ZNF558: variants seen among roughly 807,000 people sequenced by gnomAD.
ZNF558 encodes zinc finger protein 558.
A neutral mutation model predicts 37.6 loss-of-function variants in ZNF558; 23 were observed. The observed-to-expected ratio is 0.61, with a 90% CI of 0.44 to 0.87. ZNF558 has a LOEUF of 0.87. Ranked by LOEUF, ZNF558 falls within the 40% of genes least tolerant of loss-of-function variation. The pLI is 0.00. For missense variants in ZNF558, 429 were observed against 483.7 expected, an observed-to-expected ratio of 0.89 and a Z score of 1.06; for synonymous variants, 189 against 174.4, an observed-to-expected ratio of 1.08 and a Z score of -0.66.
rs182146558 is a variant in ZNF558 at position 8,820,222 on chromosome 19, G to T, written c.247+958C>A. Reference sequence around the variant, plus strand: ...GCAGCTGCTGTGGAAAAGTCTGGCAGTTCCTCAAGAAGCTAAACACAGACC... The same window carrying T: ...GCAGCTGCTGTGGAAAAGTCTGGCATTTCCTCAAGAAGCTAAACACAGACC... On this transcript the variant is annotated intron_variant, in intron 7 of 9. Coordinates refer to ENST00000601372, the MANE Select transcript of ZNF558 (RefSeq NM_144693.3). 4.4e-4 allele frequency among the ~76,000 whole-genome samples: 67 copies of T among 152,266 alleles called. 2 individuals carry two copies. In the East Asian group the frequency reaches 9.5e-3, roughly 21 times the overall value.
intron 2 of ZNF558, among the ~76,000 whole-genome samples, chr19:8,826,711 G>C (rs920122475): frequency 6.6e-6 from 1 of 152,162 alleles, no homozygotes; most frequent in Non-Finnish European, 1.5e-5. Context: ...TCCTGCTCTA[G>C]AGGGAATGCA....
At chr19:8,814,535 T>C (rs1463051895) in intron 7 of ZNF558, among the ~76,000 whole-genome samples, 1 of 152,134 alleles carries the variant, frequency 6.6e-6, no homozygotes, top group African/African-American at 2.4e-5. Context: ...CTTCCTCATA[T>C]TCTTAAGAAC....
intron 3 of ZNF558, among the ~76,000 whole-genome samples, chr19:8,824,716 C>T (rs959013572): frequency 6.6e-6 from 1 of 152,194 alleles, no homozygotes; most frequent in African/African-American, 2.4e-5. Context: ...TTTTGAGGAG[C>T]TGTCTGTGCT....
chr19:8,832,811 G>A (rs951766402), upstream of ZNF558, among the ~76,000 whole-genome samples: 1 of 152,138 alleles, frequency 6.6e-6, no homozygotes, highest in East Asian at 1.9e-4. Flanking sequence ...GGGGCTGAGC[G>A]GGAACCAGGC....
intron 2 of ZNF558, among the ~76,000 whole-genome samples, chr19:8,827,571 CTTTTT>C (rs386388513): frequency 5.3e-5 from 5 of 94,080 alleles, no homozygotes; most frequent in East Asian, 3.7e-4. Context: ...TTTCCCTATT[CTTTTT>C]TTTTTTTTTT....
chr19:8,820,181 G>A (rs928711942), intron 7 of ZNF558, among the ~76,000 whole-genome samples: 7 of 152,268 alleles, frequency 4.6e-5, no homozygotes, highest in East Asian at 1.9e-4. Flanking sequence ...CTGCATTGGC[G>A]GGAACGTGCA....
At chr19:8,815,208 TA>T (rs2145205973) in intron 7 of ZNF558, among the ~76,000 whole-genome samples, 1 of 152,084 alleles carries the variant, frequency 6.6e-6, no homozygotes, top group African/African-American at 2.4e-5. Flanking sequence ...TAAAATCTGC[TA>T]AAAGATGTAA....
Position 8,822,082 on chromosome 19 carries a change from G to A in ZNF558, c.41C>T (p.Ser14Phe), listed in dbSNP as rs758861413. The A allele has an allele frequency of 5.0e-6, 8 of 1,614,104 alleles. No individual in the cohort carries two copies. Among genetic ancestry groups the A allele is most frequent in the Middle Eastern group, 1.7e-4 (1 of 6,060 alleles). Reference protein sequence around the residue: ...VILPSTAAPSSLFPASQQKGH... With the variant: ...VILPSTAAPSFLFPASQQKGH... ...TTTTTGCTGAGAGGCTGGGAACAGGGAAGACGGAGCTGGAGGAGGAGAAAT... is the reference window on the plus strand; with the variant it reads ...TTTTTGCTGAGAGGCTGGGAACAGGAAAGACGGAGCTGGAGGAGGAGAAAT... The change falls in exon 6 of 10, where the codon TCC (serine) becomes TTC (phenylalanine). Residue 14 changes from serine (S) to phenylalanine (F), a missense_variant. Physicochemically the swap from Ser to Phe is radical, Grantham distance 155 (BLOSUM62 -2). Transcript: ENST00000601372. This position sits in a 1 kb window ranked among gnomAD's most constrained non-coding sequence, Gnocchi z 4.4.
Position 8,808,391 on chromosome 19 carries a change from A to C in ZNF558, c.*2890T>G, listed in dbSNP as rs1555766567. On this transcript the variant is annotated 3_prime_UTR_variant, in exon 10 of 10. Coordinates refer to ENST00000601372, the MANE Select transcript of ZNF558 (RefSeq NM_144693.3). ...TTTGCTATGTAAAAATATCATCTCC[A>C]CATAAAAAGGAATACAGAATACCTA... The C allele has an allele frequency of 1.3e-5, 1 of 74,762 alleles. No homozygotes were observed. The highest frequency in any genetic ancestry group is 7.4e-5 in the African/African-American group (1 of 13,502). 4.6% of individuals were successfully genotyped at this position (74,762 alleles called of 1,614,324 possible).
chr19:8,817,543 T>C (rs2043969403), intron 7 of ZNF558, among the ~76,000 whole-genome samples: 1 of 152,146 alleles, frequency 6.6e-6, no homozygotes, highest in South Asian at 2.1e-4. Context: ...TGACTTTTTT[T>C]TTTTTCATTG....
chr19:8,829,978 G>A (rs1042385635), intron 2 of ZNF558, among the ~76,000 whole-genome samples: 2 of 152,032 alleles, frequency 1.3e-5, no homozygotes, highest in Admixed American at 1.3e-4. Context: ...GATATCGTTG[G>A]CTCTGTGTCC....
intron 2 of ZNF558, among the ~76,000 whole-genome samples, chr19:8,830,243 G>A (rs1255449845): frequency 6.6e-6 from 1 of 152,146 alleles, no homozygotes; most frequent in Non-Finnish European, 1.5e-5. Flanking sequence ...CCGCCATGCA[G>A]AACTGAGTCA....
At chr19:8,833,683 G>C (rs1485363048), upstream of ZNF558, 3 of 152,220 alleles carry the variant, frequency 2.0e-5, no homozygotes, top group Non-Finnish European at 4.4e-5. Flanking sequence ...TGGTGGGTTG[G>C]TGCGTTAGAT....
At chr19:8,816,055 AACACACAC>A (rs112370625) in intron 7 of ZNF558, among the ~76,000 whole-genome samples, 1 of 150,206 alleles carries the variant, frequency 6.7e-6, no homozygotes, top group Non-Finnish European at 1.5e-5. Context: ...TTCATACTGA[AACACACAC>A]ACACACACAC....
rs112409351 is a variant in ZNF558, at chr19:8,811,251, G to A, written c.*30C>T. 1 of 1,528,550 alleles carries A rather than the reference G, an allele frequency of 6.5e-7. No homozygotes were observed. The highest frequency in any genetic ancestry group is 8.8e-7 in the Non-Finnish European group (1 of 1,139,676). 94.7% of individuals were successfully genotyped at this position (1,528,550 alleles called of 1,614,324 possible). A position where few individuals can be genotyped will look rare whatever the true frequency, so the allele number is the denominator to read the frequency against. On this transcript the variant is annotated 3_prime_UTR_variant, in exon 10 of 10. Coordinates refer to ENST00000601372, the MANE Select transcript of ZNF558 (RefSeq NM_144693.3). ...TATCTTAGGGATGAAAGATCAATGA[G>A]TGCTTTCCTCCAGAAGTTCCTGCAG...
chr19:8,813,072 C>G, intron 8 of ZNF558, 55 bp downstream of exon 8: 2 of 1,411,838 alleles, frequency 1.4e-6, no homozygotes, highest in Non-Finnish European at 2.0e-6. Flanking sequence ...TCCCAACCCC[C>G]AAGTCACTGG....
At chr19:8,812,535 C>A (rs2043820811) in intron 9 of ZNF558, 26 bp downstream of exon 9, 2 of 1,484,890 alleles carry the variant, frequency 1.3e-6, no homozygotes, top group Non-Finnish European at 1.8e-6. Flanking sequence ...CTGTAGAAAA[C>A]CAGAAATCAC....
intron 7 of ZNF558, among the ~76,000 whole-genome samples, chr19:8,816,501 G>C (rs896516318): frequency 6.6e-6 from 1 of 152,108 alleles, no homozygotes; most frequent in Non-Finnish European, 1.5e-5. Context: ...AAACCACCAA[G>C]CGCTGGAGTG....
chr19:8,813,294 A>T (rs1471697021), intron 7 of ZNF558, 72 bp from the exon 8 acceptor site: 40 of 1,187,520 alleles, frequency 3.4e-5, no homozygotes, highest in Non-Finnish European at 4.9e-5. Context: ...AAGAAAGCCA[A>T]CATTTATGAA....
Sources: allele counts gnomAD v4.1 joint callset (sites outside exome capture counted in the v4.1 genomes callset), GRCh38; gene constraint gnomAD v4.1.1; non-coding constraint Gnocchi (gnomAD v3.1); transcripts MANE v1.5; gene names NCBI Gene and HGNC (gene_info 2026-07-23, HGNC 2026-07-21).